Variants in VPS13C observed in about 807,000 individuals in gnomAD.
VPS13C encodes intermembrane lipid transfer protein VPS13C.
VPS13C carries 358 observed loss-of-function variants against 456.8 expected under a neutral mutation model. That is an observed-to-expected ratio of 0.78 (90% CI 0.72 to 0.86). VPS13C has a LOEUF of 0.86. VPS13C is among the 40% of genes least tolerant of loss of function. The pLI, the probability that VPS13C is intolerant of heterozygous loss-of-function variation, is 0.00. For missense variants in VPS13C, 4,818 were observed against 4,385.4 expected (o/e 1.10, Z -2.79); for synonymous variants, 1,578 against 1,486.7 (o/e 1.06, Z -1.41).
rs115965764 is a variant in VPS13C at position 61,933,091 on chromosome 15, A to C, written c.5868+1128T>G. On this transcript the variant is annotated intron_variant, in intron 49 of 84. Transcript: ENST00000644861. ...TAAGAAGAGTTTCAAATAAAGCAGC[A>C]GTGAGAAGTGATAGAAAAAAGTAAA... 5.9e-3 allele frequency among the ~76,000 whole-genome samples: 896 copies of C among 152,310 alleles called. 7 individuals carry two copies. Among genetic ancestry groups the C allele is most frequent in the African/African-American group, 0.02 (851 of 41,560 alleles).
At chr15:61,963,267 T>C (rs1195521428) in intron 32 of VPS13C, among the ~76,000 whole-genome samples, 1 of 152,028 alleles carries the variant, frequency 6.6e-6, no homozygotes. Flanking sequence ...AAAAATTTCA[T>C]TAAACATATT....
At chr15:61,993,671 C>T (rs1219241927) in intron 16 of VPS13C, among the ~76,000 whole-genome samples, 1 of 151,974 alleles carries the variant, frequency 6.6e-6, no homozygotes, top group Non-Finnish European at 1.5e-5. Flanking sequence ...ATCAAAAATA[C>T]TAATTTCAAA....
At chr15:61,973,584 A>C (rs753740815) in intron 25 of VPS13C, 52 bp from the exon 26 acceptor site, 8 of 1,332,582 alleles carry the variant, frequency 6.0e-6, no homozygotes, top group Non-Finnish European at 8.6e-6. Context: ...AGCAGGATTA[A>C]ATGTCATAAA....
At chr15:61,951,581 A>G (rs1262073789) in intron 39 of VPS13C, among the ~76,000 whole-genome samples, 1 of 152,334 alleles carries the variant, frequency 6.6e-6, no homozygotes, top group East Asian at 1.9e-4. Flanking sequence ...TCAAAAAGAA[A>G]TGTTAAAACT....
At chr15:62,013,911 A>C in intron 10 of VPS13C, 22 bp downstream of exon 10, 42 of 1,575,462 alleles carry the variant, frequency 2.7e-5, no homozygotes, top group Non-Finnish European at 3.6e-5. Context: ...AACTAACAAA[A>C]ATTTTTATTC....
intron 9 of VPS13C, among the ~76,000 whole-genome samples, chr15:62,017,416 T>A (rs375442829): frequency 0.057 from 8,723 of 152,176 alleles, 442 homozygotes; most frequent in East Asian, 0.2. Context: ...TTTATGGTTT[T>A]AGGTCTAACA....
chr15:62,027,742 A>T (rs1328668047), intron 6 of VPS13C, among the ~76,000 whole-genome samples: 1 of 152,130 alleles, frequency 6.6e-6, no homozygotes, highest in Non-Finnish European at 1.5e-5. Context: ...TATTATTTTA[A>T]TATATTTGGT....
At chr15:61,985,789 A>T (rs1293912661) in intron 18 of VPS13C, among the ~76,000 whole-genome samples, 1 of 152,124 alleles carries the variant, frequency 6.6e-6, no homozygotes, top group Admixed American at 6.5e-5. Flanking sequence ...GGTAAAACAG[A>T]GAACCAGGGA....
chr15:61,922,060 G>A (rs759995986), intron 54 of VPS13C, 27 bp from the exon 55 acceptor site: 17 of 1,605,102 alleles, frequency 1.1e-5, no homozygotes, highest in Non-Finnish European at 1.4e-5. Context: ...AAAATTATAA[G>A]ACAGTCCTTT....
chr15:61,947,383 C>G (rs2044642174), intron 42 of VPS13C, 74 bp from the exon 43 acceptor site: 2 of 1,142,096 alleles, frequency 1.8e-6, no homozygotes, highest in South Asian at 1.4e-5. Flanking sequence ...CTCAAATCCA[C>G]CAAAATAAAA....
At chr15:62,016,358 G>C (rs2047247941) in intron 9 of VPS13C, among the ~76,000 whole-genome samples, 1 of 151,822 alleles carries the variant, frequency 6.6e-6, no homozygotes, top group South Asian at 2.1e-4. Flanking sequence ...TGCCATGCTG[G>C]TGTGCTGCAC....
intron 82 of VPS13C, among the ~76,000 whole-genome samples, chr15:61,860,577 T>C (rs1486678325): frequency 1.3e-5 from 2 of 152,218 alleles, no homozygotes; most frequent in Non-Finnish European, 2.9e-5. Context: ...TGAGGGAGTA[T>C]TTTAATAAAT....
chr15:62,024,389 A>G (rs539867319), intron 6 of VPS13C, among the ~76,000 whole-genome samples: 1 of 152,226 alleles, frequency 6.6e-6, no homozygotes, highest in South Asian at 2.1e-4. Context: ...TGGACTGTAC[A>G]CTGAATTCGA....
chr15:61,999,731 A>C (rs1326696825), intron 16 of VPS13C, among the ~76,000 whole-genome samples: 2 of 151,990 alleles, frequency 1.3e-5, no homozygotes, highest in African/African-American at 4.8e-5. Flanking sequence ...CACTGCGCAC[A>C]AGGCATCAAT....
chr15:61,903,685 T>A (rs2043070818), intron 66 of VPS13C, among the ~76,000 whole-genome samples: 1 of 152,118 alleles, frequency 6.6e-6, no homozygotes, highest in Non-Finnish European at 1.5e-5. Context: ...ATAGCCAAAG[T>A]AATCCTGAGC....
At chr15:62,044,899 T>C (rs1266186219) in intron 1 of VPS13C, among the ~76,000 whole-genome samples, 1 of 152,118 alleles carries the variant, frequency 6.6e-6, no homozygotes, top group Admixed American at 6.5e-5. Context: ...AAGTTTTCAT[T>C]TCACTTAAAT....
chr15:61,959,398 T>C (rs1472785254), intron 36 of VPS13C, 50 bp downstream of exon 36: 1 of 1,480,978 alleles, frequency 6.8e-7, no homozygotes, highest in Non-Finnish European at 9.1e-7. Flanking sequence ...TAAAAGTCTT[T>C]GGAGTTTAAA....
intron 18 of VPS13C, among the ~76,000 whole-genome samples, chr15:61,986,047 A>G (rs1211476051): frequency 6.6e-6 from 1 of 151,732 alleles, no homozygotes; most frequent in African/African-American, 2.4e-5. Context: ...AATCATCTCA[A>G]TACCTACAGT....
At chr15:62,044,004 G>A (rs1468279824) in intron 2 of VPS13C, among the ~76,000 whole-genome samples, 4 of 152,040 alleles carry the variant, frequency 2.6e-5, no homozygotes, top group African/African-American at 9.7e-5. Flanking sequence ...AAAACACTCC[G>A]TTTCCAAGAG....
Sources: allele counts gnomAD v4.1 joint callset (sites outside exome capture counted in the v4.1 genomes callset), GRCh38; gene constraint gnomAD v4.1.1; transcripts MANE v1.5; gene names NCBI Gene and HGNC (gene_info 2026-07-23, HGNC 2026-07-21).